The following SLC27A1 variants were observed in gnomAD, a reference collection of about 807,000 sequenced individuals.
SLC27A1 encodes solute carrier family 27 member 1.
In SLC27A1, 61 loss-of-function variants were observed where a neutral mutation model predicts 62.2. The ratio of observed to expected loss-of-function variants is 0.98; its 90% CI spans 0.80 to 1.21. The LOEUF (loss-of-function observed/expected upper bound fraction) is 1.21, where lower values mean the gene tolerates loss of function less well. Among genes scored for constraint, SLC27A1 ranks in the 50% most tolerant of loss-of-function variants. The pLI, the probability that SLC27A1 is intolerant of heterozygous loss-of-function variation, is 0.00. For synonymous variants in SLC27A1, 435 were observed against 408.6 expected, an observed-to-expected ratio of 1.06 and a Z score of -0.78; for missense variants, 903 against 932.1, an observed-to-expected ratio of 0.97 and a Z score of 0.41.
chr19:17,482,922 A>G (rs1437913991), intron 1 of SLC27A1, among the ~76,000 whole-genome samples: 1 of 152,250 alleles, frequency 6.6e-6, no homozygotes, highest in Admixed American at 6.5e-5. Context: ...CAGATGCTAG[A>G]GATGCACAGA....
At chr19:17,476,085 G>A (rs2075119011) in intron 1 of SLC27A1, among the ~76,000 whole-genome samples, 1 of 152,140 alleles carries the variant, frequency 6.6e-6, no homozygotes, top group South Asian at 2.1e-4. Flanking sequence ...TGTTGCCTCT[G>A]GACGGGCACC....
rs143168162 is a variant in SLC27A1, at chr19:17,495,061, C to A, written c.997-2194C>A. On this transcript the variant is annotated intron_variant, in intron 6 of 11. Transcript: ENST00000252595. Reference sequence around the variant, plus strand: ...GATCTTGGCTTACTGCAACCTCTGCCTCTCGGGTTCAAGAGATTCTCCTGC... The same window carrying A: ...GATCTTGGCTTACTGCAACCTCTGCATCTCGGGTTCAAGAGATTCTCCTGC... Among the ~76,000 whole-genome samples, 1,022 of 151,960 alleles carry A rather than the reference C, an allele frequency of 6.7e-3. 9 individuals carry two copies. Among genetic ancestry groups the A allele is most frequent in the African/African-American group, 0.024 (976 of 41,330 alleles).
At chr19:17,479,321 C>T (rs1392770180) in intron 1 of SLC27A1, among the ~76,000 whole-genome samples, 1 of 152,146 alleles carries the variant, frequency 6.6e-6, no homozygotes, top group Non-Finnish European at 1.5e-5. Flanking sequence ...GGCACAAAGG[C>T]CTGTCAGTGT....
At chr19:17,504,158 C>G (rs2075448719) in intron 11 of SLC27A1, among the ~76,000 whole-genome samples, 1 of 152,060 alleles carries the variant, frequency 6.6e-6, no homozygotes, top group Admixed American at 6.6e-5. Flanking sequence ...TTGCTAAACT[C>G]TTATTCACTG....
chr19:17,475,081 A>C (rs1052024323), intron 1 of SLC27A1, among the ~76,000 whole-genome samples: 9 of 151,654 alleles, frequency 5.9e-5, no homozygotes, highest in African/African-American at 2.2e-4. Flanking sequence ...CACCCGGATA[A>C]TTTTTGTATT....
intron 1 of SLC27A1, among the ~76,000 whole-genome samples, chr19:17,475,479 G>A (rs892291715): frequency 1.4e-4 from 21 of 152,140 alleles, no homozygotes; most frequent in Admixed American, 1.2e-3. Context: ...AGGCTGCAGT[G>A]AGCCATGATT....
In SLC27A1 at chr19:17,497,366, A is replaced by G. The variant is rs2075361133; in HGVS notation, c.1108A>G (p.Ile370Val). ...LAVGNGLRPA[I>V]WEEFTERFGV... ...GGTGGGGAACGGGCTGCGTCCTGCCATCTGGGAGGAGTTCACGGAGCGCTT... is the reference window on the plus strand; with the variant it reads ...GGTGGGGAACGGGCTGCGTCCTGCCGTCTGGGAGGAGTTCACGGAGCGCTT... The change falls in exon 7 of 12, where the codon ATC becomes GTC. Residue 370 changes from isoleucine to valine, a missense_variant. Coordinates refer to ENST00000252595, the MANE Select transcript of SLC27A1 (RefSeq NM_198580.3). 6.2e-7 allele frequency: 1 copy of G among 1,602,570 alleles called. No homozygotes were observed. The highest frequency in any genetic ancestry group is 8.5e-7 in the Non-Finnish European group (1 of 1,176,654).
intron 1 of SLC27A1, among the ~76,000 whole-genome samples, chr19:17,482,180 CA>C (rs2075184781): frequency 2.6e-5 from 4 of 152,124 alleles, no homozygotes; most frequent in Non-Finnish European, 4.4e-5. Flanking sequence ...AGGGACAGAC[CA>C]AGGACACGGT....
At chr19:17,483,529 G>A (rs1481835306) in intron 1 of SLC27A1, among the ~76,000 whole-genome samples, 1 of 151,992 alleles carries the variant, frequency 6.6e-6, no homozygotes, top group Non-Finnish European at 1.5e-5. Flanking sequence ...TAGCCAGAGG[G>A]GCCTTCTAGG....
upstream of SLC27A1, among the ~76,000 whole-genome samples, chr19:17,469,471 A>T (rs557962537): frequency 6.6e-6 from 1 of 151,860 alleles, no homozygotes; most frequent in Admixed American, 6.6e-5. Flanking sequence ...TCGGGTCCTG[A>T]TATCTTGCGA....
Position 17,497,359 on chromosome 19 carries a change from T to C in SLC27A1, c.1101T>C (p.Arg367=), listed in dbSNP as rs2075361012. Residue 367 remains arginine (R), a synonymous_variant, in exon 7 of 12, where the codon CGT becomes CGC. Transcript: ENST00000252595. ...GCCTGGCGGTGGGGAACGGGCTGCG[T>C]CCTGCCATCTGGGAGGAGTTCACGG... ...RVRLAVGNGL[R]PAIWEEFTER... is the part of the protein sequence containing the mutation. The C allele has an allele frequency of 6.2e-7, 1 of 1,602,372 alleles. No individual in the cohort carries two copies. The highest frequency in any genetic ancestry group is 1.1e-5 in the South Asian group (1 of 89,816).
At position 17,497,363 on chromosome 19, in the gene SLC27A1, G is replaced by A; in HGVS notation, c.1105G>A (p.Ala369Thr). 6.2e-7 allele frequency: 1 copy of A among 1,602,814 alleles called. No homozygotes were observed. Among genetic ancestry groups the A allele is most frequent in the Non-Finnish European group, 8.5e-7 (1 of 1,176,778 alleles). ...RLAVGNGLRPAIWEEFTERFG... is the reference protein window; with the variant it reads ...RLAVGNGLRPTIWEEFTERFG... ...GGCGGTGGGGAACGGGCTGCGTCCT[G>A]CCATCTGGGAGGAGTTCACGGAGCG... is the stretch of plus-strand genomic sequence containing the variant. The change falls in exon 7 of 12, where the codon GCC becomes ACC. Residue 369 changes from alanine (A) to threonine (T), a missense_variant. Ala to Thr is a moderately conservative substitution (Grantham distance 58). Transcript: ENST00000252595.
At chr19:17,495,244 G>A (rs1286121080) in intron 6 of SLC27A1, among the ~76,000 whole-genome samples, 1 of 151,318 alleles carries the variant, frequency 6.6e-6, no homozygotes, top group African/African-American at 2.4e-5. Flanking sequence ...CAAAGTGCTG[G>A]GATTACAGGC....
chr19:17,477,966 G>C (rs2075141104), intron 1 of SLC27A1, among the ~76,000 whole-genome samples: 1 of 151,942 alleles, frequency 6.6e-6, no homozygotes, highest in African/African-American at 2.4e-5. Context: ...CCCCTGTCTT[G>C]GCCTCCCAGA....
intron 1 of SLC27A1, among the ~76,000 whole-genome samples, chr19:17,482,295 G>C (rs1697112190): frequency 1.3e-5 from 2 of 152,156 alleles, no homozygotes; most frequent in African/African-American, 4.8e-5. Context: ...GAGGCAGGCG[G>C]ATCACCTGAG....
chr19:17,503,946 A>C (rs1387170519), intron 11 of SLC27A1, among the ~76,000 whole-genome samples: 5 of 150,774 alleles, frequency 3.3e-5, no homozygotes, highest in African/African-American at 1.2e-4. Flanking sequence ...AAAAAAAAAA[A>C]AAAAAAAAAA....
At chr19:17,477,817 A>AGGT in intron 1 of SLC27A1, among the ~76,000 whole-genome samples, 1 of 152,150 alleles carries the variant, frequency 6.6e-6, no homozygotes, top group Admixed American at 6.5e-5. Context: ...AGCCTCCCAA[A>AGGT]GTGCTGGGAT....
chr19:17,473,392 G>A (rs1185891750), intron 1 of SLC27A1, among the ~76,000 whole-genome samples: 1 of 152,166 alleles, frequency 6.6e-6, no homozygotes, highest in Non-Finnish European at 1.5e-5. Flanking sequence ...TGTATGTTAA[G>A]GAAAGATCTT....
intron 1 of SLC27A1, among the ~76,000 whole-genome samples, chr19:17,477,240 C>CTTTTTT (rs1221324202): frequency 0.23 from 10,052 of 43,616 alleles, 2,876 homozygotes; most frequent in African/African-American, 0.27. Context: ...ATGAGCAGCG[C>CTTTTTT]TTTTTTTTTT....
Sources: allele counts gnomAD v4.1 joint callset (sites outside exome capture counted in the v4.1 genomes callset), GRCh38; gene constraint gnomAD v4.1.1; transcripts MANE v1.5; gene names NCBI Gene and HGNC (gene_info 2026-07-23, HGNC 2026-07-21).